Variants in CCBE1 observed in about 807,000 individuals in gnomAD.
CCBE1 encodes collagen and calcium binding EGF domains 1.
In CCBE1, 37 loss-of-function variants were observed where a neutral mutation model predicts 50.0. That is an observed-to-expected ratio of 0.74 (90% confidence interval 0.57 to 0.97). The LOEUF is 0.97. CCBE1 is among the 50% of genes least tolerant of loss of function. The pLI is 0.00. For synonymous variants in CCBE1, 234 were observed against 203.7 expected (o/e 1.15, Z -1.27); for missense variants, 538 against 523.8 (o/e 1.03, Z -0.26).
intron 3 of CCBE1, among the ~76,000 whole-genome samples, chr18:59,470,218 G>A (rs1429346840): frequency 6.6e-6 from 1 of 152,170 alleles, no homozygotes; most frequent in Non-Finnish European, 1.5e-5. Context: ...TGAATGAGGA[G>A]CAAAGCTGCT....
chr18:59,514,559 G>A (rs1177318561), intron 2 of CCBE1, among the ~76,000 whole-genome samples: 1 of 151,682 alleles, frequency 6.6e-6, no homozygotes, highest in Non-Finnish European at 1.5e-5. Context: ...AGCTGCTGGC[G>A]GGGTGTTTGT....
intron 2 of CCBE1, among the ~76,000 whole-genome samples, chr18:59,541,026 G>A (rs1036454907): frequency 2.0e-5 from 3 of 152,116 alleles, no homozygotes; most frequent in Non-Finnish European, 4.4e-5. Context: ...TCCTTCTCAC[G>A]TGGGAACATT....
chr18:59,506,580 A>T (rs569850831), intron 2 of CCBE1, among the ~76,000 whole-genome samples: 4 of 152,300 alleles, frequency 2.6e-5, no homozygotes, highest in Admixed American at 1.3e-4. Flanking sequence ...ATCTGTAAGA[A>T]CCTTGTAAAA....
In CCBE1 at chr18:59,577,103, A is replaced by C. The variant is rs12606705; in HGVS notation, c.213-96865T>G. 2.0e-3 allele frequency among the ~76,000 whole-genome samples: 301 copies of C among 152,330 alleles called. 4 individuals are homozygous for C. In the East Asian group the frequency reaches 0.03, roughly 15 times the overall value. ...TAAACTTGTGTTCGTGGAGACGCAG[A>C]AGTGTTTGCGGTGGGTCTGTTTCTG... is the stretch of plus-strand genomic sequence containing the variant. On this transcript the variant is annotated intron_variant, in intron 2 of 10. Coordinates refer to ENST00000439986, the MANE Select transcript of CCBE1 (RefSeq NM_133459.4).
intron 2 of CCBE1, among the ~76,000 whole-genome samples, chr18:59,604,016 A>G (rs888556170): frequency 6.6e-6 from 1 of 152,220 alleles, no homozygotes; most frequent in Non-Finnish European, 1.5e-5. Context: ...AGAATCTTCT[A>G]CTTTTTTTAA....
At chr18:59,501,433 G>A (rs991896289) in intron 2 of CCBE1, among the ~76,000 whole-genome samples, 10 of 152,152 alleles carry the variant, frequency 6.6e-5, no homozygotes, top group African/African-American at 2.4e-4. Context: ...CTGAGTGAGT[G>A]GCCAGGCTGG....
chr18:59,617,271 C>A (rs765820559), intron 2 of CCBE1, among the ~76,000 whole-genome samples: 1 of 152,216 alleles, frequency 6.6e-6, no homozygotes, highest in African/African-American at 2.4e-5. Flanking sequence ...CCATTATTAC[C>A]TGCAAGCTTT....
intron 2 of CCBE1, among the ~76,000 whole-genome samples, chr18:59,492,991 G>A (rs1913181500): frequency 6.6e-6 from 1 of 152,252 alleles, no homozygotes; most frequent in Non-Finnish European, 1.5e-5. Flanking sequence ...ACTGTGGGCA[G>A]TTCCAGTGGC....
intron 2 of CCBE1, among the ~76,000 whole-genome samples, chr18:59,505,988 C>T (rs1258205507): frequency 6.6e-6 from 1 of 152,182 alleles, no homozygotes; most frequent in African/African-American, 2.4e-5. Flanking sequence ...TCAGGGCTGA[C>T]CACAGCGGAG....
Position 59,584,244 on chromosome 18 carries a change from G to A in CCBE1, c.213-104006C>T, listed in dbSNP as rs11873995. On this transcript the variant is annotated intron_variant, in intron 2 of 10. Transcript: ENST00000439986. ...AAACCATCATTCTCAGTAAACTATC[G>A]CAAGGACAAAAAACCAAACACCACA... is the stretch of plus-strand genomic sequence containing the variant. Among the ~76,000 whole-genome samples, 18 of 150,502 alleles carry A rather than the reference G, an allele frequency of 1.2e-4. No individual in the cohort carries two copies. The South Asian group carries it at 1.3e-3, about 11-fold the overall frequency.
At chr18:59,692,638 A>T (rs113316084) in intron 2 of CCBE1, among the ~76,000 whole-genome samples, 2 of 152,150 alleles carry the variant, frequency 1.3e-5, no homozygotes, top group African/African-American at 4.8e-5. Flanking sequence ...AAGTAAACAC[A>T]TTTGCAAAAA....
Position 59,583,698 on chromosome 18 carries a change from CGCGT to C in CCBE1, c.213-103464_213-103461del, listed in dbSNP as rs1265822575. 1.1e-4 allele frequency among the ~76,000 whole-genome samples: 14 copies of C among 133,324 alleles called. No individual in the cohort carries two copies. The East Asian group carries it at 2.0e-3, about 19-fold the overall frequency. 87.5% of individuals were successfully genotyped at this position (133,324 alleles called of 152,430 possible). ...GTGTGTGTGCGCGCGCGCGCGCGCG[CGCGT>C]GTGTGTGTATGTCTGCGACTACTGA... On this transcript the variant is annotated intron_variant, in intron 2 of 10. Coordinates refer to ENST00000439986, the MANE Select transcript of CCBE1 (RefSeq NM_133459.4).
chr18:59,566,785 A>C (rs993767), intron 2 of CCBE1, among the ~76,000 whole-genome samples: 86,907 of 151,784 alleles, frequency 0.57, 26,741 homozygotes, highest in African/African-American at 0.8. Context: ...TTTTTGTCCA[A>C]CCCCCACCCG....
intron 2 of CCBE1, among the ~76,000 whole-genome samples, chr18:59,642,675 C>T (rs1453506102): frequency 6.6e-6 from 1 of 152,122 alleles, no homozygotes; most frequent in Non-Finnish European, 1.5e-5. Flanking sequence ...ATGGGCCGGG[C>T]GCGGTGGCTC....
chr18:59,479,987 T>C (rs1164237589), intron 3 of CCBE1, among the ~76,000 whole-genome samples, 199 bp downstream of exon 3: 1 of 152,226 alleles, frequency 6.6e-6, no homozygotes, highest in East Asian at 1.9e-4. Context: ...TGCAAGCACA[T>C]CATGTAATGA....
At chr18:59,678,881 A>G (rs1401797646) in intron 2 of CCBE1, among the ~76,000 whole-genome samples, 1 of 152,150 alleles carries the variant, frequency 6.6e-6, no homozygotes, top group Non-Finnish European at 1.5e-5. Context: ...GACTAATCCA[A>G]TTTTGCTACA....
intron 2 of CCBE1, among the ~76,000 whole-genome samples, chr18:59,691,746 A>G (rs2144751155): frequency 6.6e-6 from 1 of 152,296 alleles, no homozygotes; most frequent in East Asian, 1.9e-4. Flanking sequence ...CCTGAACTAC[A>G]TGCCCTGAAT....
chr18:59,624,818 CCCTGTAACCA>C (rs2053758608), intron 2 of CCBE1, among the ~76,000 whole-genome samples: 3 of 152,234 alleles, frequency 2.0e-5, no homozygotes, highest in African/African-American at 7.2e-5. Context: ...CCTCAGTTAT[CCCTGTAACCA>C]CCTGGGCTGT....
At chr18:59,616,225 G>C (rs1258497322) in intron 2 of CCBE1, among the ~76,000 whole-genome samples, 2 of 152,140 alleles carry the variant, frequency 1.3e-5, no homozygotes, top group Admixed American at 1.3e-4. Context: ...GGGGGAGAGA[G>C]ATCAAGAGAT....
Sources: gnomAD v4.1 joint callset for allele counts (sites outside exome capture counted in the v4.1 genomes callset) on GRCh38, gnomAD v4.1.1 for gene constraint, MANE v1.5 for transcripts, NCBI Gene and HGNC (gene_info 2026-07-23, HGNC 2026-07-21) for gene names.